The following LARGE1 variants were observed in gnomAD, a reference collection of about 807,000 sequenced individuals.
LARGE1 encodes xylosyl- and glucuronyltransferase LARGE1.
LARGE1 carries 43 observed loss-of-function variants against 87.6 expected under a neutral mutation model. That is an observed-to-expected ratio of 0.49 (90% confidence interval 0.38 to 0.63). The LOEUF (loss-of-function observed/expected upper bound fraction) is 0.63. Ranked by LOEUF, LARGE1 falls within the 30% of genes least tolerant of loss-of-function variation. LARGE1 has a pLI of 0.00. For missense variants in LARGE1, 802 were observed against 1,000.2 expected, an observed-to-expected ratio of 0.80 and a Z score of 2.67; for synonymous variants, 434 against 394.6, an observed-to-expected ratio of 1.10 and a Z score of -1.18.
Position 33,680,468 on chromosome 22 carries a change from G to A in LARGE1, c.107-29800C>T, listed in dbSNP as rs545905166. On this transcript the variant is annotated intron_variant, in intron 2 of 14. Transcript: ENST00000397394. The stretch of plus-strand genomic sequence containing the variant: ...GATTTCTAACTCCAGAATGGGGTGG[G>A]GGGCAGAAGAGACCTTTGATGCACA... Among the ~76,000 whole-genome samples the A allele has an allele frequency of 3.1e-4, 46 of 149,806 alleles. 1 individual carries two copies. In the South Asian group the frequency reaches 9.2e-3, roughly 30 times the overall value.
chr22:33,677,056 C>A (rs887458573), intron 2 of LARGE1, among the ~76,000 whole-genome samples: 1 of 152,106 alleles, frequency 6.6e-6, no homozygotes, highest in South Asian at 2.1e-4. Context: ...ATCGACGGCT[C>A]AGAGACCTTC....
In LARGE1 at chr22:33,313,375, G is replaced by A. The variant is rs1193855845; in HGVS notation, c.1451+2710C>T. 3.3e-5 allele frequency among the ~76,000 whole-genome samples: 5 copies of A among 152,020 alleles called. 1 individual carries two copies. In the South Asian group the frequency reaches 8.4e-4, roughly 25 times the overall value. ...CACTTCCTTGGGCTCTCATAGAATC[G>A]GTGCACCTCCTGCACGACACTCAGA... is the stretch of plus-strand genomic sequence containing the variant. On this transcript the variant is annotated intron_variant, in intron 11 of 14. Coordinates refer to ENST00000397394, the MANE Select transcript of LARGE1 (RefSeq NM_133642.5).
chr22:33,407,839 C>T (rs1372297599), intron 7 of LARGE1, among the ~76,000 whole-genome samples: 1 of 152,118 alleles, frequency 6.6e-6, no homozygotes, highest in Non-Finnish European at 1.5e-5. Flanking sequence ...TCTTTGCAGC[C>T]TCAAAGCAGC....
intron 12 of LARGE1, among the ~76,000 whole-genome samples, chr22:33,287,153 CCTAGTTTGATT>C (rs1307745881): frequency 1.3e-5 from 2 of 152,134 alleles, no homozygotes; most frequent in East Asian, 3.8e-4. Context: ...TTTTCCAAGT[CCTAGTTTGATT>C]CTATAAGATA....
chr22:33,604,352 G>T (rs537241005), intron 5 of LARGE1, 83 bp downstream of exon 5: 18 of 1,558,902 alleles, frequency 1.2e-5, no homozygotes, highest in Non-Finnish European at 1.4e-5. Flanking sequence ...GAGATTTCTG[G>T]CATTGCTACA....
intron 11 of LARGE1, among the ~76,000 whole-genome samples, chr22:33,209,891 C>T (rs192804243): frequency 6.6e-6 from 1 of 152,306 alleles, no homozygotes; most frequent in African/African-American, 2.4e-5. Flanking sequence ...TCAAGGGATC[C>T]TCCCACTTCA....
intron 6 of LARGE1, among the ~76,000 whole-genome samples, chr22:33,550,537 T>G (rs1387448014): frequency 1.3e-5 from 2 of 152,116 alleles, no homozygotes; most frequent in African/African-American, 4.8e-5. Flanking sequence ...GAATGGCCAT[T>G]ATTAAAGACA....
chr22:33,636,994 A>T (rs530909242), intron 3 of LARGE1, among the ~76,000 whole-genome samples: 1 of 152,088 alleles, frequency 6.6e-6, no homozygotes, highest in African/African-American at 2.4e-5. Context: ...CTGAGCCCCA[A>T]ATTTCCTCAA....
chr22:33,762,418 A>C (rs966371081), intron 1 of LARGE1, among the ~76,000 whole-genome samples: 1 of 151,958 alleles, frequency 6.6e-6, no homozygotes, highest in Non-Finnish European at 1.5e-5. Flanking sequence ...TGGGCAGAGG[A>C]GACTGAGAAA....
chr22:33,555,914 G>T (rs1378456773), intron 6 of LARGE1, among the ~76,000 whole-genome samples: 6 of 138,948 alleles, frequency 4.3e-5, no homozygotes. Flanking sequence ...TGGGTGGAGA[G>T]AGAGAGACTC....
chr22:33,736,352 C>T (rs930319526), intron 2 of LARGE1, among the ~76,000 whole-genome samples: 1 of 152,088 alleles, frequency 6.6e-6, no homozygotes, highest in Non-Finnish European at 1.5e-5. Context: ...AGTGGTATAC[C>T]ATTGTGGTTT....
In LARGE1 at chr22:33,565,014, T is replaced by G. The variant is rs926834717; in HGVS notation, c.621A>C (p.Glu207Asp). The change falls in exon 6 of 15, where the codon GAA (glutamate) becomes GAC (aspartate). Residue 207 changes from glutamate (E) to aspartate (D), a missense_variant. Coordinates refer to ENST00000397394, the MANE Select transcript of LARGE1 (RefSeq NM_133642.5). ...DFYNADELKS[E>D]VSWIPNKHYS... ...AATGTTTATTGGGGATCCAGGAAAC[T>G]TCAGACTAGACAGAACAAGGCAGAG... The G allele has an allele frequency of 1.2e-6, 2 of 1,614,006 alleles. No individual in the cohort carries two copies. Among genetic ancestry groups the G allele is most frequent in the Non-Finnish European group, 1.7e-6 (2 of 1,179,910 alleles).
intron 3 of LARGE1, among the ~76,000 whole-genome samples, chr22:33,637,227 C>T (rs1602886912): frequency 6.6e-6 from 1 of 152,134 alleles, no homozygotes; most frequent in East Asian, 1.9e-4. Flanking sequence ...TGGGCTGTGG[C>T]TGCAACTTTG....
chr22:33,103,066 T>A, the LARGE1 span, among the ~76,000 whole-genome samples: 1 of 151,776 alleles, frequency 6.6e-6, no homozygotes, highest in South Asian at 2.1e-4. Flanking sequence ...CCTTACATAA[T>A]CCTTGGGCCT....
At chr22:33,364,989 C>G (rs951762645) in intron 9 of LARGE1, among the ~76,000 whole-genome samples, 2 of 152,098 alleles carry the variant, frequency 1.3e-5, no homozygotes, top group African/African-American at 4.8e-5. Context: ...AACCACCATG[C>G]CTGACCTTCA....
At chr22:33,910,308 A>G (rs896493942) in intron 1 of LARGE1, among the ~76,000 whole-genome samples, 1 of 152,178 alleles carries the variant, frequency 6.6e-6, no homozygotes, top group African/African-American at 2.4e-5. Context: ...ACGTACTCAC[A>G]GCCTCTAATA....
rs2079919724 is a variant in LARGE1, at chr22:33,626,323, T to C, written c.412A>G (p.Ile138Val). ...QQPVVEKCET[I>V]HVAIVCAGYN... ...CCGGCGCAGACAATAGCAACGTGGA[T>C]TGTCTGGGAAGAAAAGAAGACGGGG... is the stretch of plus-strand genomic sequence containing the variant. The change falls in exon 4 of 15, where the codon ATC (isoleucine) becomes GTC (valine). Residue 138 changes from isoleucine (I) to valine (V), a missense_variant. This residue lies in a region of LARGE1 where 625 missense variants were observed against 841.9 expected (regional missense o/e 0.74). Transcript: ENST00000397394. 2.5e-6 allele frequency: 4 copies of C among 1,613,768 alleles called. No individual in the cohort carries two copies. The East Asian group carries it at 8.9e-5, about 36-fold the overall frequency.
intron 1 of LARGE1, among the ~76,000 whole-genome samples, chr22:33,890,082 GAAC>G: frequency 6.6e-6 from 1 of 152,330 alleles, no homozygotes; most frequent in Non-Finnish European, 1.5e-5. Context: ...GCCTGGGAGA[GAAC>G]AACGACAGTG....
intron 1 of LARGE1, among the ~76,000 whole-genome samples, chr22:33,784,384 G>C (rs2085529800): frequency 6.6e-6 from 1 of 152,166 alleles, no homozygotes; most frequent in Non-Finnish European, 1.5e-5. Context: ...GCCAGTAAAT[G>C]ATGGAACAAA....
Sources: allele counts gnomAD v4.1 joint callset (sites outside exome capture counted in the v4.1 genomes callset), GRCh38; gene constraint gnomAD v4.1.1; regional missense constraint gnomAD v4.1.1; transcripts MANE v1.5; gene names NCBI Gene and HGNC (gene_info 2026-07-23, HGNC 2026-07-21).